Variants in MC2R observed in about 807,000 individuals in gnomAD.
MC2R encodes the protein adrenocorticotropic hormone receptor.
In MC2R, 9 loss-of-function variants were observed where a neutral mutation model predicts 9.8. The ratio of observed to expected loss-of-function variants is 0.92; its 90% CI spans 0.55 to 1.60. The LOEUF (loss-of-function observed/expected upper bound fraction) is 1.60. Among genes scored for constraint, MC2R ranks in the 40% most tolerant of loss-of-function variants. MC2R has a pLI of 0.00. For synonymous variants in MC2R, 185 were observed against 154.7 expected (o/e 1.20, Z -1.45); for missense variants, 370 against 389.0 (o/e 0.95, Z 0.41).
chr18:13,908,595 A>C (rs1417081502), intron 1 of MC2R, among the ~76,000 whole-genome samples: 1 of 152,204 alleles, frequency 6.6e-6, no homozygotes, highest in East Asian at 1.9e-4. Flanking sequence ...GGTCTTTACA[A>C]ATTATATGAA....
intron 1 of MC2R, among the ~76,000 whole-genome samples, chr18:13,900,239 C>T (rs2045371084): frequency 6.6e-6 from 1 of 151,580 alleles, no homozygotes; most frequent in Admixed American, 6.6e-5. Context: ...TTGGTAACCT[C>T]AAACCAAAAA....
intron 1 of MC2R, among the ~76,000 whole-genome samples, chr18:13,909,109 A>C (rs1013530522): frequency 4.0e-5 from 6 of 151,800 alleles, no homozygotes; most frequent in Non-Finnish European, 5.9e-5. Context: ...ATGTCTCCTT[A>C]GGCTTCTCTT....
chr18:13,884,520 G>T lies in MC2R; in HGVS notation c.*105C>A. The T allele has an allele frequency of 7.9e-7, 1 of 1,259,898 alleles. No individual in the cohort carries two copies. The highest frequency in any genetic ancestry group is 1.1e-6 in the Non-Finnish European group (1 of 873,066). The allele number at this position is 1,259,898 out of a possible 1,614,324, so 78.0% of individuals were successfully genotyped here. A position where few individuals can be genotyped will look rare whatever the true frequency, so the allele number is the denominator to read the frequency against. On this transcript the variant is annotated 3_prime_UTR_variant, in exon 2 of 2. Transcript: ENST00000327606. The stretch of plus-strand genomic sequence containing the variant: ...GGTGGGATCATCCTTGCATCCATTA[G>T]GGAAGGAAGGCCAGTGAGGAGCACT...
At chr18:13,903,155 C>G (rs2045390851) in intron 1 of MC2R, among the ~76,000 whole-genome samples, 1 of 152,058 alleles carries the variant, frequency 6.6e-6, no homozygotes. Flanking sequence ...TCATCTTACC[C>G]CAGTTAAAAT....
At chr18:13,911,901 T>C (rs1376954912) in intron 1 of MC2R, among the ~76,000 whole-genome samples, 2 of 152,178 alleles carry the variant, frequency 1.3e-5, no homozygotes, top group African/African-American at 2.4e-5. Flanking sequence ...GTACTGCCTA[T>C]GAACATCTAG....
intron 1 of MC2R, among the ~76,000 whole-genome samples, chr18:13,907,160 G>C (rs972155286): frequency 1.3e-5 from 2 of 152,172 alleles, no homozygotes; most frequent in Non-Finnish European, 2.9e-5. Context: ...CACGGCATCA[G>C]CATAAAAACA....
intron 1 of MC2R, among the ~76,000 whole-genome samples, chr18:13,901,124 T>C (rs530764684): frequency 6.6e-6 from 1 of 152,124 alleles, no homozygotes; most frequent in East Asian, 1.9e-4. Flanking sequence ...TACATTGAAA[T>C]TAAACAATAT....
rs760107296 is a variant in MC2R at position 13,885,063 on chromosome 18, C to G, written c.456G>C (p.Thr152=). The change falls in exon 2 of 2, where the codon ACG becomes ACC. Residue 152 remains threonine, a synonymous_variant. Coordinates refer to ENST00000327606, the MANE Select transcript of MC2R (RefSeq NM_000529.2). The stretch of plus-strand genomic sequence containing the variant: ...TCCCCGTGCAGAACGTCCAGATGAC[C>G]GTAAGCACCACCACAGTGCGGCGCA... ...VTMRRTVVVL[T]VIWTFCTGTG... 3 of 1,614,134 alleles carry G rather than the reference C, an allele frequency of 1.9e-6. No homozygotes were observed. The highest frequency in any genetic ancestry group is 1.7e-6 in the Non-Finnish European group (2 of 1,180,026).
chr18:13,896,686 G>A (rs1453312180), intron 1 of MC2R, among the ~76,000 whole-genome samples: 1 of 151,970 alleles, frequency 6.6e-6, no homozygotes, highest in Non-Finnish European at 1.5e-5. Flanking sequence ...TAAATATCTG[G>A]AGCAAGGAAC....
At chr18:13,896,225 T>TTAC (rs2045345524) in intron 1 of MC2R, among the ~76,000 whole-genome samples, 1 of 152,176 alleles carries the variant, frequency 6.6e-6, no homozygotes, top group Admixed American at 6.5e-5. Context: ...ATGAAAATTT[T>TTAC]TACTAATGTC....
intron 1 of MC2R, among the ~76,000 whole-genome samples, chr18:13,909,716 T>G (rs571013046): frequency 7.9e-5 from 12 of 152,372 alleles, no homozygotes; most frequent in African/African-American, 2.6e-4. Flanking sequence ...CTGTGTCCTG[T>G]GCCAGACCTG....
intron 1 of MC2R, among the ~76,000 whole-genome samples, chr18:13,892,388 G>A (rs1163638468): frequency 6.6e-6 from 1 of 152,160 alleles, no homozygotes; most frequent in Non-Finnish European, 1.5e-5. Context: ...CAATAAGCCT[G>A]TAGGACTGGC....
In MC2R at chr18:13,894,018, T is replaced by C. The variant is rs375786391; in HGVS notation, c.-128-8372A>G. Reference sequence around the variant, plus strand: ...CTTCTGGAAGTTTATATTTGAGTGATAATAAATCTCTGTGTCTCACCTCTG... The same window carrying C: ...CTTCTGGAAGTTTATATTTGAGTGACAATAAATCTCTGTGTCTCACCTCTG... On this transcript the variant is annotated intron_variant, in intron 1 of 1. Coordinates refer to ENST00000327606, the MANE Select transcript of MC2R (RefSeq NM_000529.2). Among the ~76,000 whole-genome samples, 11 of 152,288 alleles carry C rather than the reference T, an allele frequency of 7.2e-5. No homozygotes were observed. The East Asian group carries it at 1.5e-3, about 21-fold the overall frequency.
In MC2R at chr18:13,884,593, C is replaced by G. The variant is rs760182439; in HGVS notation, c.*32G>C. ...TATTCTGGCACTTGGCAACGTTATT[C>G]CCATGGATTCTAAAACCAGGGATCA... On this transcript the variant is annotated 3_prime_UTR_variant, in exon 2 of 2. Transcript: ENST00000327606. 2.5e-6 allele frequency: 4 copies of G among 1,607,566 alleles called. No individual in the cohort carries two copies. In the African/African-American group the frequency reaches 4.0e-5, roughly 16 times the overall value.
chr18:13,914,027 A>G (rs1311750592), intron 1 of MC2R, among the ~76,000 whole-genome samples: 2 of 152,106 alleles, frequency 1.3e-5, no homozygotes, highest in Admixed American at 1.3e-4. Context: ...CATAGGAAAC[A>G]TACCTGGGAT....
intron 1 of MC2R, among the ~76,000 whole-genome samples, chr18:13,892,245 T>A (rs1396289823): frequency 2.0e-5 from 3 of 152,112 alleles, no homozygotes; most frequent in Admixed American, 1.3e-4. Flanking sequence ...ATGAAGGTGG[T>A]CTGAATGTTG....
chr18:13,891,361 G>T (rs181774246), intron 1 of MC2R, among the ~76,000 whole-genome samples: 78 of 152,220 alleles, frequency 5.1e-4, no homozygotes, highest in African/African-American at 1.9e-3. Flanking sequence ...CCAATATTTT[G>T]CTGTGTAAAT....
At chr18:13,906,687 G>C (rs569960625) in intron 1 of MC2R, among the ~76,000 whole-genome samples, 3 of 152,262 alleles carry the variant, frequency 2.0e-5, no homozygotes, top group African/African-American at 7.2e-5. Context: ...CAGTAAAGTT[G>C]CAGAATACAA....
chr18:13,895,718 C>T (rs902260792), intron 1 of MC2R, among the ~76,000 whole-genome samples: 1 of 152,144 alleles, frequency 6.6e-6, no homozygotes, highest in South Asian at 2.1e-4. Context: ...GGTTTTGGCC[C>T]GGAGCTCCAG....
Sources: gnomAD v4.1 joint callset for allele counts (sites outside exome capture counted in the v4.1 genomes callset) on GRCh38, gnomAD v4.1.1 for gene constraint, MANE v1.5 for transcripts, NCBI Gene and HGNC (gene_info 2026-07-23, HGNC 2026-07-21) for gene names.